Variants in COLEC12 observed in about 807,000 individuals in gnomAD.
COLEC12 encodes collectin-12.
A neutral mutation model predicts 71.1 loss-of-function variants in COLEC12; 33 were observed. That is an observed-to-expected ratio of 0.46 (90% CI 0.35 to 0.62). The LOEUF (loss-of-function observed/expected upper bound fraction) is 0.62. Ranked by LOEUF, COLEC12 falls within the 20% of genes least tolerant of loss-of-function variation. The pLI, the probability that COLEC12 is intolerant of heterozygous loss-of-function variation, is 0.00. For synonymous variants in COLEC12, 350 were observed against 353.0 expected (o/e 0.99, Z 0.10); for missense variants, 765 against 916.1 (o/e 0.84, Z 2.13).
In COLEC12 at chr18:351,900, G is replaced by A. The variant is rs538583755; in HGVS notation, c.182-3737C>T. On this transcript the variant is annotated intron_variant, in intron 3 of 9. Coordinates refer to ENST00000400256, the MANE Select transcript of COLEC12 (RefSeq NM_130386.3). ...TCTCTATGTTGGCCAGGCTGGTCTC[G>A]AACTCCTGACCTCAGATGATCTGCC... Among the ~76,000 whole-genome samples the A allele has an allele frequency of 5.1e-3, 776 of 152,106 alleles. 9 individuals are homozygous for A. The highest frequency in any genetic ancestry group is 6.7e-3 in the Non-Finnish European group (453 of 68,000).
intron 2 of COLEC12, among the ~76,000 whole-genome samples, chr18:433,753 C>T (rs1916349408): frequency 1.3e-5 from 2 of 152,116 alleles, no homozygotes; most frequent in African/African-American, 4.8e-5. Context: ...TGGGTGGACT[C>T]AGGAGTTCGA....
intron 1 of COLEC12, among the ~76,000 whole-genome samples, chr18:495,673 C>T (rs572792212): frequency 1.8e-4 from 28 of 152,210 alleles, no homozygotes; most frequent in South Asian, 6.2e-4. Flanking sequence ...CGGATGATAG[C>T]GCCTTGTCTA....
intron 2 of COLEC12, among the ~76,000 whole-genome samples, chr18:375,214 A>G (rs1428654729): frequency 6.6e-6 from 1 of 152,028 alleles, no homozygotes; most frequent in Non-Finnish European, 1.5e-5. Context: ...GAGGCCCTAC[A>G]CTGTCTGCCT....
chr18:329,297 T>A (rs1464298122), intron 8 of COLEC12, among the ~76,000 whole-genome samples: 1 of 152,122 alleles, frequency 6.6e-6, no homozygotes. Context: ...TAAGATTGAA[T>A]TTCTTAGTGA....
At chr18:489,191 C>T (rs73358581) in intron 1 of COLEC12, among the ~76,000 whole-genome samples, 8,067 of 152,296 alleles carry the variant, frequency 0.053, 278 homozygotes, top group Admixed American at 0.12. Flanking sequence ...AAAAGATCAG[C>T]TTCACATTTA....
rs371229049 is a variant in COLEC12 at position 340,304 on chromosome 18, G to A, written c.1328-5074C>T. Among the ~76,000 whole-genome samples the A allele has an allele frequency of 3.9e-5, 6 of 152,194 alleles. No individual in the cohort carries two copies. The South Asian group carries it at 8.3e-4, about 21-fold the overall frequency. ...TTCTGAAATGCCAGGATACCCACGC[G>A]GCTGGTAAAGCTGTCACAAGCTCCA... On this transcript the variant is annotated intron_variant, in intron 5 of 9. Coordinates refer to ENST00000400256, the MANE Select transcript of COLEC12 (RefSeq NM_130386.3).
chr18:489,088 T>C (rs1047461940), intron 1 of COLEC12, among the ~76,000 whole-genome samples: 3 of 151,994 alleles, frequency 2.0e-5, no homozygotes, highest in Admixed American at 2.0e-4. Flanking sequence ...CTCATCATCA[T>C]AAAATTTCAG....
At chr18:394,722 G>A (rs1598349930) in intron 2 of COLEC12, among the ~76,000 whole-genome samples, 1 of 152,146 alleles carries the variant, frequency 6.6e-6, no homozygotes, top group East Asian at 1.9e-4. Flanking sequence ...AGGCCCTTTC[G>A]AAAATACTGA....
chr18:494,085 T>C (rs1462813589), intron 1 of COLEC12, among the ~76,000 whole-genome samples: 1 of 152,210 alleles, frequency 6.6e-6, no homozygotes, highest in Non-Finnish European at 1.5e-5. Flanking sequence ...GTTTCATTAC[T>C]ACAATTACAA....
intron 2 of COLEC12, among the ~76,000 whole-genome samples, chr18:453,421 C>T (rs1230611886): frequency 3.9e-5 from 6 of 152,078 alleles, no homozygotes; most frequent in African/African-American, 1.4e-4. Context: ...GACCAGCATC[C>T]CCACCCTCAG....
rs182776378 is a variant in COLEC12 at position 456,271 on chromosome 18, A to G, written c.58+24436T>C. On this transcript the variant is annotated intron_variant, in intron 2 of 9. Transcript: ENST00000400256. Reference sequence around the variant, plus strand: ...CCAGTCTGAGTTCTCAATGAAGACCAAAAATAGTTCTTGGTGCTATGCTGT... The same window carrying G: ...CCAGTCTGAGTTCTCAATGAAGACCGAAAATAGTTCTTGGTGCTATGCTGT... 4.4e-3 allele frequency among the ~76,000 whole-genome samples: 676 copies of G among 152,330 alleles called. 1 individual carries two copies. The highest frequency in any genetic ancestry group is 7.9e-3 in the Non-Finnish European group (539 of 68,028).
At chr18:368,847 CAG>C (rs1371349045) in intron 2 of COLEC12, among the ~76,000 whole-genome samples, 3 of 152,208 alleles carry the variant, frequency 2.0e-5, no homozygotes, top group Non-Finnish European at 4.4e-5. Flanking sequence ...GCCTGGGCAA[CAG>C]AGCGAGACTC....
Position 383,639 on chromosome 18 carries a change from A to G in COLEC12, c.59-26117T>C, listed in dbSNP as rs561837517. Among the ~76,000 whole-genome samples, 261 of 152,284 alleles carry G rather than the reference A, an allele frequency of 1.7e-3. 1 individual carries two copies. The highest frequency in any genetic ancestry group is 2.4e-3 in the Non-Finnish European group (166 of 68,018). ...ATCTATCCATTCAACAATAGGTTGT[A>G]ACCTCCCATCTCCCCTAACTGCCCC... On this transcript the variant is annotated intron_variant, in intron 2 of 9. Coordinates refer to ENST00000400256, the MANE Select transcript of COLEC12 (RefSeq NM_130386.3).
At chr18:376,036 A>G (rs1270483639) in intron 2 of COLEC12, among the ~76,000 whole-genome samples, 3 of 152,226 alleles carry the variant, frequency 2.0e-5, no homozygotes, top group Admixed American at 2.0e-4. Context: ...GAAGTTCCAC[A>G]TTAGTGACTG....
intron 1 of COLEC12, among the ~76,000 whole-genome samples, chr18:489,150 A>T (rs541301616): frequency 3.9e-3 from 599 of 152,354 alleles, no homozygotes; most frequent in African/African-American, 0.014. Flanking sequence ...GAGGAAAAAA[A>T]CAGATCATTT....
At chr18:428,786 A>C (rs1916245028) in intron 2 of COLEC12, among the ~76,000 whole-genome samples, 1 of 152,174 alleles carries the variant, frequency 6.6e-6, no homozygotes, top group South Asian at 2.1e-4. Flanking sequence ...TTTTCAATAA[A>C]ATTTCATTAA....
At chr18:469,702 C>T (rs1917155873) in intron 2 of COLEC12, among the ~76,000 whole-genome samples, 1 of 152,146 alleles carries the variant, frequency 6.6e-6, no homozygotes, top group South Asian at 2.1e-4. Flanking sequence ...GTTTTTTACT[C>T]ACACCTGCAG....
intron 8 of COLEC12, among the ~76,000 whole-genome samples, chr18:329,420 CA>C (rs1190674724): frequency 6.6e-6 from 1 of 152,156 alleles, no homozygotes; most frequent in Non-Finnish European, 1.5e-5. Context: ...TCTTGGCTGT[CA>C]AAAAAGCAGA....
At chr18:321,832 G>C (rs1394289235) in intron 8 of COLEC12, 25 bp from the exon 9 acceptor site, 1 of 1,611,220 alleles carries the variant, frequency 6.2e-7, no homozygotes, top group East Asian at 2.2e-5. Flanking sequence ...GAAATTGAAT[G>C]TTATTTGCAC....
Sources: allele counts gnomAD v4.1 joint callset (sites outside exome capture counted in the v4.1 genomes callset), GRCh38; gene constraint gnomAD v4.1.1; transcripts MANE v1.5; gene names NCBI Gene and HGNC (gene_info 2026-07-23, HGNC 2026-07-21).